The following TNIK variants were observed in gnomAD, a reference collection of about 807,000 sequenced individuals.
The protein encoded by TNIK is TRAF2 and NCK interacting kinase.
In TNIK, 49 loss-of-function variants were observed where a neutral mutation model predicts 191.3. The observed-to-expected ratio is 0.26, with a 90% confidence interval of 0.20 to 0.32. The LOEUF (loss-of-function observed/expected upper bound fraction) is 0.32, where lower values mean the gene tolerates loss of function less well. Ranked by LOEUF, TNIK falls within the 10% of genes least tolerant of loss-of-function variation. The pLI is 1.00. For missense variants in TNIK, 1,155 were observed against 1,702.3 expected, an observed-to-expected ratio of 0.68 and a Z score of 5.66; for synonymous variants, 594 against 600.9, an observed-to-expected ratio of 0.99 and a Z score of 0.17.
At chr3:171,235,609 A>C (rs185004439) in intron 2 of TNIK, among the ~76,000 whole-genome samples, 1 of 152,218 alleles carries the variant, frequency 6.6e-6, no homozygotes, top group Non-Finnish European at 1.5e-5. Context: ...AAAAATAAGG[A>C]CCCAGTGGTG....
chr3:171,134,577 G>T (rs576654920), intron 15 of TNIK, among the ~76,000 whole-genome samples: 210 of 152,298 alleles, frequency 1.4e-3, no homozygotes, highest in Non-Finnish European at 2.3e-3. Context: ...GAGCCACCGT[G>T]CCTGGCTCCA....
At chr3:171,153,071 G>T (rs191361180) in intron 12 of TNIK, among the ~76,000 whole-genome samples, 1 of 152,200 alleles carries the variant, frequency 6.6e-6, no homozygotes, top group Non-Finnish European at 1.5e-5. Flanking sequence ...ACTGCGCCCG[G>T]CCAAAACTAT....
At chr3:171,217,544 A>C (rs1416240873) in intron 3 of TNIK, among the ~76,000 whole-genome samples, 1 of 152,102 alleles carries the variant, frequency 6.6e-6, no homozygotes, top group Non-Finnish European at 1.5e-5. Context: ...GTCTAAAATA[A>C]CAGTTGCAAA....
chr3:171,251,180 G>A (rs1044167752), intron 2 of TNIK, among the ~76,000 whole-genome samples: 2 of 152,172 alleles, frequency 1.3e-5, no homozygotes, highest in Admixed American at 6.5e-5. Flanking sequence ...TGTGGTCTGG[G>A]AAGAACAGCA....
intron 29 of TNIK, among the ~76,000 whole-genome samples, chr3:171,070,234 A>G (rs947114562): frequency 3.3e-5 from 5 of 152,152 alleles, no homozygotes; most frequent in Non-Finnish European, 5.9e-5. Flanking sequence ...TAATGAATCT[A>G]TTTTCTTGAG....
chr3:171,308,488 G>T (rs555595884), intron 2 of TNIK, among the ~76,000 whole-genome samples: 8 of 152,250 alleles, frequency 5.3e-5, no homozygotes, highest in African/African-American at 1.7e-4. Flanking sequence ...TACCATTCTA[G>T]ACATAGGCCC....
At chr3:171,281,277 A>C (rs1461633243) in intron 2 of TNIK, among the ~76,000 whole-genome samples, 1 of 152,158 alleles carries the variant, frequency 6.6e-6, no homozygotes, top group Non-Finnish European at 1.5e-5. Flanking sequence ...TCATATAAAA[A>C]ACCTTAAAGT....
chr3:171,194,568 A>C lies in TNIK; in HGVS notation c.374T>G (p.Leu125Trp). Residue 125 changes from leucine (L) to tryptophan (W), a missense_variant, in exon 5 of 33, where the codon TTG becomes TGG. Physicochemically the swap from Leu to Trp is moderately conservative, Grantham distance 61 (BLOSUM62 -2). Coordinates refer to ENST00000436636, the MANE Select transcript of TNIK (RefSeq NM_015028.4). ...GATGTATGCAATCCACTCCTCTTTC[A>C]ACGTGTTACCTTTTGTGTTCTTGAT... The part of the protein sequence containing the change: ...DLIKNTKGNT[L>W]KEEWIAYICR... 6.2e-7 allele frequency: 1 copy of C among 1,613,926 alleles called. No individual in the cohort carries two copies. Among genetic ancestry groups the C allele is most frequent in the Non-Finnish European group, 8.5e-7 (1 of 1,179,864 alleles).
intron 12 of TNIK, among the ~76,000 whole-genome samples, chr3:171,150,277 T>C (rs930135040): frequency 2.6e-5 from 4 of 152,368 alleles, no homozygotes. Context: ...CTAAGTGGTT[T>C]GTATGTATTA....
intron 1 of TNIK, among the ~76,000 whole-genome samples, chr3:171,413,979 T>C (rs781703909): frequency 6.6e-6 from 1 of 152,224 alleles, no homozygotes; most frequent in Non-Finnish European, 1.5e-5. Flanking sequence ...TTATTATCAC[T>C]ACCCATTTCT....
chr3:171,095,840 C>T (rs1722637678), intron 22 of TNIK, among the ~76,000 whole-genome samples: 1 of 152,004 alleles, frequency 6.6e-6, no homozygotes, highest in Non-Finnish European at 1.5e-5. Flanking sequence ...GAAGAAATTC[C>T]AAAGAGGCAT....
Position 171,210,638 on chromosome 3 carries a change from G to A in TNIK, c.306+478C>T, listed in dbSNP as rs79267815. 9.4e-3 allele frequency among the ~76,000 whole-genome samples: 1,426 copies of A among 152,194 alleles called. 21 individuals carry two copies. The highest frequency in any genetic ancestry group is 0.033 in the African/African-American group (1,369 of 41,522). On this transcript the variant is annotated intron_variant, in intron 4 of 32. Coordinates refer to ENST00000436636, the MANE Select transcript of TNIK (RefSeq NM_015028.4). ...ACTCATCAGCGATAGACAGAGAATC[G>A]CATAGAGCTTGGTTAGATCCTAGAT...
intron 9 of TNIK, among the ~76,000 whole-genome samples, chr3:171,172,177 C>CGTGTATGTTGTAGACTCAGTCATG: frequency 6.6e-6 from 1 of 152,230 alleles, no homozygotes; most frequent in Non-Finnish European, 1.5e-5. Flanking sequence ...CAGTTTATGC[C>CGTGTATGTTGTAGACTCAGTCATG]TTGTATGTTG....
intron 1 of TNIK, among the ~76,000 whole-genome samples, chr3:171,441,303 C>T (rs1473325839): frequency 2.0e-5 from 3 of 152,202 alleles, no homozygotes; most frequent in Admixed American, 1.3e-4. Context: ...GGCCCATTTA[C>T]AGGCACTCCC....
chr3:171,198,641 T>A (rs911361625), intron 4 of TNIK, among the ~76,000 whole-genome samples: 1 of 152,188 alleles, frequency 6.6e-6, no homozygotes, highest in South Asian at 2.1e-4. Context: ...GGGGTGGAAC[T>A]GGCCACTGAT....
At chr3:171,073,423 A>G (rs1451441312) in intron 28 of TNIK, among the ~76,000 whole-genome samples, 1 of 152,214 alleles carries the variant, frequency 6.6e-6, no homozygotes, top group Non-Finnish European at 1.5e-5. Flanking sequence ...AAACTATAAT[A>G]AGAAAACCTA....
intron 18 of TNIK, among the ~76,000 whole-genome samples, chr3:171,118,648 A>G (rs1246769621): frequency 6.6e-6 from 1 of 152,232 alleles, no homozygotes; most frequent in Non-Finnish European, 1.5e-5. Flanking sequence ...ATCTATAACT[A>G]TCTGATCTTT....
chr3:171,445,419 C>CAAA (rs75214809), intron 1 of TNIK, among the ~76,000 whole-genome samples: 2 of 87,084 alleles, frequency 2.3e-5, no homozygotes, highest in Admixed American at 1.2e-4. Flanking sequence ...ACCCTGTCTC[C>CAAA]AAAAAAAAAA....
At chr3:171,305,005 TA>T (rs1308676173) in intron 2 of TNIK, among the ~76,000 whole-genome samples, 1 of 65,460 alleles carries the variant, frequency 1.5e-5, no homozygotes, top group Non-Finnish European at 3.1e-5. Context: ...ACTTAAAGTA[TA>T]ATTAAAAAAA....
Sources: allele counts gnomAD v4.1 joint callset (sites outside exome capture counted in the v4.1 genomes callset), GRCh38; gene constraint gnomAD v4.1.1; transcripts MANE v1.5; gene names NCBI Gene and HGNC (gene_info 2026-07-23, HGNC 2026-07-21).